MCPH1: variants seen among roughly 807,000 people sequenced by gnomAD.
MCPH1 encodes microcephalin.
MCPH1 carries 104 observed loss-of-function variants against 84.5 expected under a neutral mutation model. That is an observed-to-expected ratio of 1.23 (90% CI 1.05 to 1.45). The LOEUF (loss-of-function observed/expected upper bound fraction) is 1.45. Among genes scored for constraint, MCPH1 ranks in the 40% most tolerant of loss-of-function variants. The pLI is 0.00. For missense variants in MCPH1, 1,498 were observed against 1,005.7 expected (o/e 1.49, Z -6.62); for synonymous variants, 514 against 366.8 (o/e 1.40, Z -4.58).
chr8:6,509,003 C>G (rs1293931727), intron 12 of MCPH1: 2 of 1,613,992 alleles, frequency 1.2e-6, no homozygotes, highest in Non-Finnish European at 1.7e-6. Flanking sequence ...AAAATCATTT[C>G]CTGGTTGGCT....
chr8:6,499,108 C>G (rs1164321999), intron 11 of MCPH1, among the ~76,000 whole-genome samples: 2 of 147,682 alleles, frequency 1.4e-5, no homozygotes, highest in African/African-American at 5.0e-5. Context: ...ATAAAATAAA[C>G]ATGAATTGTA....
chr8:6,499,183 G>T (rs1363068572), intron 11 of MCPH1, among the ~76,000 whole-genome samples: 1 of 152,062 alleles, frequency 6.6e-6, no homozygotes, highest in Non-Finnish European at 1.5e-5. Flanking sequence ...CAGGGAGTTT[G>T]GTCCTGGAGG....
chr8:6,614,411 A>T (rs1830592646), intron 12 of MCPH1, among the ~76,000 whole-genome samples: 1 of 152,212 alleles, frequency 6.6e-6, no homozygotes, highest in Non-Finnish European at 1.5e-5. Flanking sequence ...CTCCAGAGGA[A>T]GACCAACTTA....
intron 12 of MCPH1, among the ~76,000 whole-genome samples, chr8:6,568,994 C>T (rs927441966): frequency 3.3e-5 from 5 of 152,150 alleles, no homozygotes; most frequent in East Asian, 3.8e-4. Context: ...GGGGCACACT[C>T]GGGACTCTTG....
intron 12 of MCPH1, among the ~76,000 whole-genome samples, chr8:6,549,627 G>T (rs1025065783): frequency 6.6e-6 from 1 of 151,808 alleles, no homozygotes; most frequent in Non-Finnish European, 1.5e-5. Flanking sequence ...ACACAGGTGC[G>T]CACAGATACA....
At chr8:6,637,573 T>C (rs1289235727) in intron 13 of MCPH1, among the ~76,000 whole-genome samples, 3 of 151,698 alleles carry the variant, frequency 2.0e-5, no homozygotes, top group Middle Eastern at 3.4e-3. Context: ...GAAGTTTGGG[T>C]TCTGTTCTAA....
chr8:6,594,594 C>A (rs538917968), intron 12 of MCPH1, among the ~76,000 whole-genome samples: 1 of 152,242 alleles, frequency 6.6e-6, no homozygotes, highest in Non-Finnish European at 1.5e-5. Context: ...CTGCTCGCAT[C>A]AGGCCAGATT....
intron 12 of MCPH1, among the ~76,000 whole-genome samples, chr8:6,564,156 A>C (rs1825935677): frequency 6.6e-6 from 1 of 151,822 alleles, no homozygotes; most frequent in Non-Finnish European, 1.5e-5. Flanking sequence ...TAATTTTTGT[A>C]TTTTTAGTAG....
chr8:6,407,959 C>A (rs1797977175), intron 1 of MCPH1, among the ~76,000 whole-genome samples: 1 of 152,196 alleles, frequency 6.6e-6, no homozygotes, highest in Non-Finnish European at 1.5e-5. Context: ...GGAACACAGG[C>A]CGGCCCGTTA....
chr8:6,611,765 TCC>T (rs1830292556), intron 12 of MCPH1, among the ~76,000 whole-genome samples: 7 of 152,248 alleles, frequency 4.6e-5, no homozygotes, highest in Admixed American at 4.6e-4. Context: ...ACTACAGGCG[TCC>T]GCCACCACGC....
intron 12 of MCPH1, among the ~76,000 whole-genome samples, chr8:6,612,604 G>C (rs957936273): frequency 6.6e-6 from 1 of 152,226 alleles, no homozygotes; most frequent in Non-Finnish European, 1.5e-5. Flanking sequence ...GGCACCGCTG[G>C]TTGCGGGCCT....
rs202241113 is a variant in MCPH1 at position 6,444,915 on chromosome 8, C to T, written c.1193C>T (p.Ala398Val). Residue 398 changes from alanine to valine, a missense_variant, in exon 8 of 14, where the codon GCG becomes GTG. Ala to Val is a moderately conservative substitution (Grantham distance 64, BLOSUM62 0). Coordinates refer to ENST00000344683, the MANE Select transcript of MCPH1 (RefSeq NM_024596.5). Reference protein sequence around the residue: ...CRSEDRLQHVAGPALEALSCG... With the variant: ...CRSEDRLQHVVGPALEALSCG... ...TCGGAAGACAGGCTGCAGCACGTGG[C>T]GGGACCTGCCCTGGAGGCTCTTAGC... 646 of 1,614,104 alleles carry T rather than the reference C, an allele frequency of 4.0e-4. 4 individuals are homozygous for T. Among genetic ancestry groups the T allele is most frequent in the Admixed American group, 1.2e-3 (70 of 60,028 alleles).
chr8:6,430,769 G>C (rs577591806), intron 3 of MCPH1, among the ~76,000 whole-genome samples: 2 of 152,142 alleles, frequency 1.3e-5, no homozygotes, highest in Non-Finnish European at 2.9e-5. Context: ...AGTGACAGAA[G>C]GTTTTTATCT....
intron 12 of MCPH1, among the ~76,000 whole-genome samples, chr8:6,509,256 G>C (rs1352479355): frequency 6.6e-6 from 1 of 152,190 alleles, no homozygotes; most frequent in African/African-American, 2.4e-5. Context: ...CTTCAGCAAA[G>C]AGGGATGTTT....
rs543854674 is a variant in MCPH1, at chr8:6,474,102, G to T, written c.1936-3492G>T. ...AACACAAAAACTATGTGAAACCAGC[G>T]TTCAGGGAAGAAATCACAACCGTGG... On this transcript the variant is annotated intron_variant, in intron 9 of 13. Transcript: ENST00000344683. The T allele has an allele frequency of 5.2e-6, 4 of 769,910 alleles. No homozygotes were observed. In the Admixed American group the frequency reaches 6.9e-5, roughly 13 times the overall value. 47.7% of individuals were successfully genotyped at this position (769,910 alleles called of 1,614,324 possible).
chr8:6,500,961 T>G (rs1158726043), intron 12 of MCPH1: 3 of 152,244 alleles, frequency 2.0e-5, no homozygotes, highest in Non-Finnish European at 4.4e-5. Context: ...CCATCACTCT[T>G]GTCATTGAGA....
At chr8:6,519,277 C>T (rs1425076624) in intron 12 of MCPH1, among the ~76,000 whole-genome samples, 1 of 152,148 alleles carries the variant, frequency 6.6e-6, no homozygotes, top group Admixed American at 6.5e-5. Context: ...GATGCTAAGA[C>T]ACCACCGGTC....
At chr8:6,611,103 TAC>T (rs1007119662) in intron 12 of MCPH1, among the ~76,000 whole-genome samples, 4 of 147,272 alleles carry the variant, frequency 2.7e-5, no homozygotes, top group Non-Finnish European at 5.9e-5. Flanking sequence ...CACACACACA[TAC>T]ACACACACTC....
intron 10 of MCPH1, among the ~76,000 whole-genome samples, chr8:6,478,326 T>C (rs1166001574): frequency 6.6e-6 from 1 of 152,120 alleles, no homozygotes; most frequent in African/African-American, 2.4e-5. Flanking sequence ...ACACCATACA[T>C]TATATAGTGA....
Sources: allele counts gnomAD v4.1 joint callset (sites outside exome capture counted in the v4.1 genomes callset), GRCh38; gene constraint gnomAD v4.1.1; transcripts MANE v1.5; gene names NCBI Gene and HGNC (gene_info 2026-07-23, HGNC 2026-07-21).